Variants in PRKG1 observed in about 807,000 individuals in gnomAD.
PRKG1 encodes the protein protein kinase cGMP-dependent 1.
PRKG1 carries 35 observed loss-of-function variants against 88.1 expected under a neutral mutation model. The observed-to-expected ratio is 0.40, with a 90% CI of 0.30 to 0.53. PRKG1 has a LOEUF of 0.53. Among genes scored for constraint, PRKG1 ranks in the 20% least tolerant of loss-of-function variants. PRKG1 has a pLI of 0.59. For synonymous variants in PRKG1, 303 were observed against 292.5 expected (o/e 1.04, Z -0.37); for missense variants, 540 against 839.8 (o/e 0.64, Z 4.41).
intron 3 of PRKG1, among the ~76,000 whole-genome samples, chr10:51,625,847 G>A (rs139402903): frequency 2.0e-4 from 31 of 152,156 alleles, no homozygotes; most frequent in African/African-American, 6.7e-4. Context: ...GACAAATTAT[G>A]TTCTGGGTTA....
At chr10:51,481,036 T>C (rs899977988) in intron 3 of PRKG1, among the ~76,000 whole-genome samples, 2 of 152,148 alleles carry the variant, frequency 1.3e-5, no homozygotes, top group Admixed American at 6.6e-5. Context: ...GTATATGGCA[T>C]TTAATGAAAC....
chr10:51,136,684 A>G (rs1845693025), intron 1 of PRKG1, among the ~76,000 whole-genome samples: 1 of 152,052 alleles, frequency 6.6e-6, no homozygotes, highest in Non-Finnish European at 1.5e-5. Flanking sequence ...GCAAAGTCCT[A>G]GTAAGCTCTA....
At chr10:51,938,431 G>T (rs1350239030) in intron 5 of PRKG1, among the ~76,000 whole-genome samples, 1 of 151,974 alleles carries the variant, frequency 6.6e-6, no homozygotes, top group African/African-American at 2.4e-5. Context: ...GGGGGTCATT[G>T]TTGGCTTTTT....
At chr10:52,138,899 AC>A (rs1290536701) in intron 8 of PRKG1, among the ~76,000 whole-genome samples, 1 of 151,930 alleles carries the variant, frequency 6.6e-6, no homozygotes, top group African/African-American at 2.4e-5. Flanking sequence ...ATGTACCAAG[AC>A]TCTCACCATA....
At chr10:51,972,797 C>A (rs1843740967) in intron 5 of PRKG1, among the ~76,000 whole-genome samples, 1 of 151,896 alleles carries the variant, frequency 6.6e-6, no homozygotes, top group South Asian at 2.1e-4. Context: ...AAATAAGTAT[C>A]AGAATTACTT....
intron 1 of PRKG1, among the ~76,000 whole-genome samples, chr10:51,062,256 T>C (rs4935215): frequency 0.48 from 72,822 of 152,116 alleles, 19,885 homozygotes; most frequent in South Asian, 0.67. Context: ...GATTTCAGTT[T>C]TTTTCCCTCC....
intron 12 of PRKG1, among the ~76,000 whole-genome samples, chr10:52,278,684 T>C (rs1438630026): frequency 6.6e-6 from 1 of 151,978 alleles, no homozygotes; most frequent in Non-Finnish European, 1.5e-5. Flanking sequence ...TCCTAGCACT[T>C]TGGGAGGCCA....
At chr10:51,566,837 C>T (rs1837617830) in intron 3 of PRKG1, among the ~76,000 whole-genome samples, 1 of 151,436 alleles carries the variant, frequency 6.6e-6, no homozygotes, top group African/African-American at 2.4e-5. Context: ...TATAAGTTCC[C>T]ACTTCAATAT....
intron 5 of PRKG1, among the ~76,000 whole-genome samples, chr10:51,958,196 G>A (rs754613825): frequency 6.6e-6 from 1 of 152,170 alleles, no homozygotes; most frequent in Non-Finnish European, 1.5e-5. Context: ...TCATCCACAA[G>A]AATTGCTATA....
At chr10:51,439,019 A>AC (rs1839018595) in intron 2 of PRKG1, among the ~76,000 whole-genome samples, 1 of 151,614 alleles carries the variant, frequency 6.6e-6, no homozygotes, top group Non-Finnish European at 1.5e-5. Context: ...TTTTAAAAAA[A>AC]AAGAGAAACC....
intron 5 of PRKG1, among the ~76,000 whole-genome samples, chr10:52,003,558 T>G (rs981137677): frequency 3.3e-5 from 5 of 152,328 alleles, no homozygotes; most frequent in African/African-American, 9.6e-5. Context: ...GTCTTTCTCA[T>G]ATATACATTT....
At chr10:51,945,978 A>G (rs1843023545) in intron 5 of PRKG1, among the ~76,000 whole-genome samples, 1 of 150,294 alleles carries the variant, frequency 6.7e-6, no homozygotes, top group South Asian at 2.1e-4. Context: ...CGTTCTCTGT[A>G]TTTCCTGAAT....
At chr10:52,285,959 G>A (rs1436606688) in intron 14 of PRKG1, among the ~76,000 whole-genome samples, 2 of 152,004 alleles carry the variant, frequency 1.3e-5, no homozygotes, top group African/African-American at 4.8e-5. Context: ...AAAGGAAATA[G>A]AAAACACATC....
intron 3 of PRKG1, among the ~76,000 whole-genome samples, chr10:51,543,218 A>G (rs1842356627): frequency 6.6e-6 from 1 of 152,218 alleles, no homozygotes. Context: ...TAATGTCTAA[A>G]CATTACAGTA....
chr10:51,173,681 T>C (rs1308397833), intron 2 of PRKG1, among the ~76,000 whole-genome samples: 12 of 151,940 alleles, frequency 7.9e-5, no homozygotes, highest in Admixed American at 7.9e-4. Context: ...TTATCATGCA[T>C]GACAAGTGTA....
intron 14 of PRKG1, among the ~76,000 whole-genome samples, chr10:52,288,026 A>T (rs1347522574): frequency 6.6e-6 from 1 of 152,186 alleles, no homozygotes; most frequent in African/African-American, 2.4e-5. Context: ...GGTGCTATAA[A>T]AGTGTAACAG....
chr10:51,698,686 G>A (rs1157172920), intron 3 of PRKG1: 4 of 1,614,214 alleles, frequency 2.5e-6, no homozygotes, highest in Non-Finnish European at 3.4e-6. Context: ...TTCCAAGTTG[G>A]GGCTGCATTG....
intron 5 of PRKG1, among the ~76,000 whole-genome samples, chr10:51,992,805 A>AT (rs1195184844): frequency 2.0e-5 from 3 of 152,194 alleles, no homozygotes; most frequent in Non-Finnish European, 4.4e-5. Context: ...GAAGTTGAAA[A>AT]TTGTATTTTA....
At chr10:51,229,926 C>CAAAAAAAAAAAAAAAAAA (rs35300789) in intron 2 of PRKG1, among the ~76,000 whole-genome samples, 5 of 33,530 alleles carry the variant, frequency 1.5e-4, no homozygotes, top group African/African-American at 3.3e-4. Flanking sequence ...GAGGCGATCT[C>CAAAAAAAAAAAAAAAAAA]AAAAAAAAAA....
Sources: allele counts gnomAD v4.1 joint callset (sites outside exome capture counted in the v4.1 genomes callset), GRCh38; gene constraint gnomAD v4.1.1; transcripts MANE v1.5; gene names NCBI Gene and HGNC (gene_info 2026-07-23, HGNC 2026-07-21).